CA11: variants seen among roughly 807,000 people sequenced by gnomAD.
The protein encoded by CA11 is carbonic anhydrase 11 (inactive), also known as carbonic anhydrase-related protein 11.
Under a neutral mutation model 39.3 loss-of-function variants are expected in CA11, and 20 were observed. The observed-to-expected ratio is 0.51, with a 90% CI of 0.36 to 0.74. The LOEUF is 0.74. Among genes scored for constraint, CA11 ranks in the 30% least tolerant of loss-of-function variants. The probability of loss-of-function intolerance (pLI) is 0.00; values close to 1 mark genes in which losing one functional copy is unlikely to be tolerated. For synonymous variants in CA11, 166 were observed against 172.5 expected (o/e 0.96, Z 0.29); for missense variants, 336 against 424.6 (o/e 0.79, Z 1.83).
chr19:48,644,967 C>T (rs1196114845), intron 2 of CA11, among the ~76,000 whole-genome samples: 1 of 152,154 alleles, frequency 6.6e-6, no homozygotes, highest in African/African-American at 2.4e-5. Context: ...CAGCCTACCC[C>T]TCTGCTGCCT....
chr19:48,638,301 A>G, intron 8 of CA11, 157 bp from the exon 9 acceptor site: 2 of 1,106,144 alleles, frequency 1.8e-6, no homozygotes, highest in South Asian at 4.0e-5. Context: ...GGGCTGAACC[A>G]CAAGAAGCCA....
rs749394805 is a variant in CA11 at position 48,638,131 on chromosome 19, G to T, written c.975C>A (p.Pro325=). The change falls in exon 9 of 9, where the codon CCC becomes CCA. Residue 325 remains proline (P), a synonymous_variant. Transcript: ENST00000084798. ...PNYRLHVDGV[P]HGR ...TCGAAGGGGAGTCTCAGCGACCATG[G>T]GGGACACCATCCACTGTAAGACAGA... 5.3e-6 allele frequency: 7 copies of T among 1,332,618 alleles called. No homozygotes were observed. The highest frequency in any genetic ancestry group is 5.9e-6 in the Non-Finnish European group (6 of 1,023,344). The allele number at this position is 1,332,618 out of a possible 1,614,324, so 82.5% of individuals were successfully genotyped here.
intron 3 of CA11, among the ~76,000 whole-genome samples, chr19:48,641,255 C>T (rs2031078572): frequency 6.6e-6 from 1 of 152,238 alleles, no homozygotes; most frequent in South Asian, 2.1e-4. Context: ...GCTGGGGTTA[C>T]AGGCGTGAGC....
Position 48,638,882 on chromosome 19 carries a change from C to T in CA11, c.961+6G>A, listed in dbSNP as rs2030950279. 2.5e-6 allele frequency: 4 copies of T among 1,578,314 alleles called. No individual in the cohort carries two copies. The African/African-American group carries it at 5.4e-5, about 21-fold the overall frequency. On this transcript the variant is annotated splice_donor_region_variant and intron_variant, in intron 8 of 8. Transcript: ENST00000084798. ...AGACTTAGAGGGGGTGCAGACTGGA[C>T]CATACCATGCAGGCGGTAGTTGGGG...
In CA11 at chr19:48,638,912, G is replaced by A; in HGVS notation, c.937C>T (p.Arg313Ter). 1 of 1,601,486 alleles carries A rather than the reference G, an allele frequency of 6.2e-7. No homozygotes were observed. Among genetic ancestry groups the A allele is most frequent in the Non-Finnish European group, 8.5e-7 (1 of 1,175,144 alleles). ...RDPRHPERRC[R>*]GPNYRLHVDG... ...CCATGCAGGCGGTAGTTGGGGCCTC[G>A]GCAGCGCCTCTCGGGGTGCCGGGGG... The change falls in exon 8 of 9, where the codon CGA becomes TGA. Residue 313 changes from arginine to a stop codon, truncating the protein, a stop_gained. Coordinates refer to ENST00000084798, the MANE Select transcript of CA11 (RefSeq NM_001217.5). LOFTEE classifies it high-confidence loss of function.
At chr19:48,645,527 C>A in intron 1 of CA11, 39 bp downstream of exon 1, 2 of 1,596,388 alleles carry the variant, frequency 1.3e-6, no homozygotes, top group African/African-American at 2.7e-5. Flanking sequence ...CCACCTCCAC[C>A]CTCCCTCGGG....
Position 48,638,088 on chromosome 19 carries a change from G to A in CA11, c.*31C>T, listed in dbSNP as rs1213179295. 2 of 1,439,478 alleles carry A rather than the reference G, an allele frequency of 1.4e-6. No individual in the cohort carries two copies. The highest frequency in any genetic ancestry group is 2.8e-5 in the South Asian group (2 of 70,208). 89.2% of individuals were successfully genotyped at this position (1,439,478 alleles called of 1,614,324 possible). On this transcript the variant is annotated 3_prime_UTR_variant, in exon 9 of 9. Transcript: ENST00000084798. ...CCCCTCGCCTTGTGGGGAGGCTTAG[G>A]ACGGGCGGGTGCAATCCTCGAAGGG...
In CA11 at chr19:48,639,040, C is replaced by T; in HGVS notation, c.809G>A (p.Arg270Lys). ...AGATGGAGGATTCTGGCTCAGGAGT[C>T]TCAGGGAGTGCATCTGCAGTGGAAG... The part of the protein sequence containing the change: ...NITSLQMHSL[R>K]LLSQNPPSQI... The change falls in exon 8 of 9, where the codon AGA becomes AAA. Residue 270 changes from arginine to lysine, a missense_variant. Coordinates refer to ENST00000084798, the MANE Select transcript of CA11 (RefSeq NM_001217.5). The T allele has an allele frequency of 6.2e-7, 1 of 1,613,912 alleles. No homozygotes were observed. Among genetic ancestry groups the T allele is most frequent in the Non-Finnish European group, 8.5e-7 (1 of 1,179,952 alleles).
At position 48,638,153 on chromosome 19, in the gene CA11, CAGAG is replaced by C. The variant is rs1183323696; in HGVS notation, c.962-13_962-10del. 6.6e-6 allele frequency: 1 copy of C among 151,520 alleles called. No individual in the cohort carries two copies. Among genetic ancestry groups the C allele is most frequent in the Non-Finnish European group, 1.6e-5 (1 of 63,732 alleles). The allele number at this position is 151,520 out of a possible 1,614,324, so 9.4% of individuals were successfully genotyped here. A position where few individuals can be genotyped will look rare whatever the true frequency, so the allele number is the denominator to read the frequency against. On this transcript the variant is annotated splice_polypyrimidine_tract_variant and intron_variant, in intron 8 of 8. Transcript: ENST00000084798. ...ATGGGGGACACCATCCACTGTAAGACAGAGAACAACGGCAGGGGGCGTCAGTATA... is the reference window on the plus strand; with the variant it reads ...ATGGGGGACACCATCCACTGTAAGACAACAACGGCAGGGGGCGTCAGTATA...
At position 48,638,095 on chromosome 19, in the gene CA11, G is replaced by A. The variant is rs1441427590; in HGVS notation, c.*24C>T. On this transcript the variant is annotated 3_prime_UTR_variant, in exon 9 of 9. Transcript: ENST00000084798. ...CCTTGTGGGGAGGCTTAGGACGGGC[G>A]GGTGCAATCCTCGAAGGGGAGTCTC... 1 of 1,453,862 alleles carries A rather than the reference G, an allele frequency of 6.9e-7. No individual in the cohort carries two copies. The highest frequency in any genetic ancestry group is 9.1e-7 in the Non-Finnish European group (1 of 1,101,852). The allele number at this position is 1,453,862 out of a possible 1,614,324, so 90.1% of individuals were successfully genotyped here. A position where few individuals can be genotyped will look rare whatever the true frequency, so the allele number is the denominator to read the frequency against.
chr19:48,641,089 C>T (rs1299012614), intron 3 of CA11, among the ~76,000 whole-genome samples: 1 of 151,848 alleles, frequency 6.6e-6, no homozygotes, highest in East Asian at 1.9e-4. Context: ...AAGCGATTCT[C>T]CTCCCTCAGG....
chr19:48,642,220 T>C (rs950732584), intron 3 of CA11, among the ~76,000 whole-genome samples: 30 of 152,152 alleles, frequency 2.0e-4, no homozygotes, highest in Admixed American at 2.0e-3. Context: ...ATATATAGGC[T>C]GGATGTGGTG....
chr19:48,645,273 C>A, intron 2 of CA11, 130 bp downstream of exon 2: 1 of 767,036 alleles, frequency 1.3e-6, no homozygotes. Context: ...GGCCCGACTC[C>A]TGAGGGACAG....
chr19:48,645,146 C>T (rs2031208525), intron 2 of CA11, among the ~76,000 whole-genome samples: 1 of 152,282 alleles, frequency 6.6e-6, no homozygotes, highest in African/African-American at 2.4e-5. Context: ...GGACCTTCCT[C>T]TCCCGGCAAA....
Position 48,639,866 on chromosome 19 carries a change from G to A in CA11, c.489C>T (p.Phe163=), listed in dbSNP as rs913331384. 1 of 1,614,094 alleles carries A rather than the reference G, an allele frequency of 6.2e-7. No individual in the cohort carries two copies. Among genetic ancestry groups the A allele is most frequent in the Admixed American group, 1.7e-5 (1 of 60,014 alleles). Residue 163 remains phenylalanine (F), a synonymous_variant, in exon 5 of 9, where the codon TTC becomes TTT. Transcript: ENST00000084798. ...TGAAATTCCCGTAGAGTTCCTGGTT[G>A]AAGTGAATGAGCTGCACCTGGGGGT... The part of the protein sequence containing the change: ...GFSAEVQLIH[F]NQELYGNFSA...
intron 8 of CA11, chr19:48,638,379 G>GT: frequency 2.8e-6 from 1 of 353,446 alleles, no homozygotes; most frequent in Non-Finnish European, 3.9e-6. Context: ...CTTCATGGGG[G>GT]GGGGGGGGTG....
rs1160112058 is a variant in CA11, at chr19:48,639,450, T to A, written c.650A>T (p.Tyr217Phe). The A allele has an allele frequency of 2.5e-6, 4 of 1,613,632 alleles. No individual in the cohort carries two copies. The highest frequency in any genetic ancestry group is 1.1e-5 in the South Asian group (1 of 91,072). Residue 217 changes from tyrosine to phenylalanine, a missense_variant, in exon 7 of 9, where the codon TAC becomes TTC. By Grantham distance (22) the Tyr-to-Phe change is conservative (BLOSUM62 3). Transcript: ENST00000084798. ...ITRISYKNDA[Y>F]FLQDLSLELL... ...CTCCAGGCTCAGGTCTTGAAGAAAGTAGGCATCATCTGCGGGAATATCAGG... is the reference window on the plus strand; with the variant it reads ...CTCCAGGCTCAGGTCTTGAAGAAAGAAGGCATCATCTGCGGGAATATCAGG...
In CA11 at chr19:48,638,020, GGAA is replaced by G; in HGVS notation, c.*96_*98del. The G allele has an allele frequency of 1.2e-6, 1 of 824,896 alleles. No individual in the cohort carries two copies. The highest frequency in any genetic ancestry group is 1.8e-6 in the Non-Finnish European group (1 of 564,132). 51.1% of individuals were successfully genotyped at this position (824,896 alleles called of 1,614,324 possible). A position where few individuals can be genotyped will look rare whatever the true frequency, so the allele number is the denominator to read the frequency against. On this transcript the variant is annotated 3_prime_UTR_variant, in exon 9 of 9. Transcript: ENST00000084798. ...CTAGAATCAGACCACTGAGAAAACA[GGAA>G]GTATTCTGTCCCTTTAATAGCTTTG...
chr19:48,640,030 T>A, intron 4 of CA11, 65 bp downstream of exon 4: 2 of 1,546,454 alleles, frequency 1.3e-6, no homozygotes, highest in Non-Finnish European at 1.8e-6. Flanking sequence ...ACTAAGAGGG[T>A]GAGGTGGGAG....
Sources: gnomAD v4.1 joint callset for allele counts (sites outside exome capture counted in the v4.1 genomes callset) on GRCh38, gnomAD v4.1.1 for gene constraint, MANE v1.5 for transcripts, NCBI Gene and HGNC (gene_info 2026-07-23, HGNC 2026-07-21) for gene names.